The following TUT7 variants were observed in gnomAD, a reference collection of about 807,000 sequenced individuals.
The protein encoded by TUT7 is terminal uridylyl transferase 7, also known as terminal uridylyltransferase 7.
A neutral mutation model predicts 165.9 loss-of-function variants in TUT7; 33 were observed. The ratio of observed to expected loss-of-function variants is 0.20; its 90% confidence interval spans 0.15 to 0.27. TUT7 has a LOEUF of 0.27. Ranked by LOEUF, TUT7 falls within the 10% of genes least tolerant of loss-of-function variation. The pLI is 1.00. For missense variants in TUT7, 1,338 were observed against 1,762.3 expected (o/e 0.76, Z 4.31); for synonymous variants, 552 against 608.1 (o/e 0.91, Z 1.36).
intron 2 of TUT7, among the ~76,000 whole-genome samples, chr9:86,350,541 G>A (rs1461978422): frequency 1.3e-5 from 2 of 152,210 alleles, no homozygotes; most frequent in South Asian, 4.1e-4. Context: ...CAGGTCCAGC[G>A]AGGCTGAGTT....
rs895170782 is a variant in TUT7, at chr9:86,322,380, T to C, written c.2973A>G (p.Pro991=). 6 of 1,614,124 alleles carry C rather than the reference T, an allele frequency of 3.7e-6. No homozygotes were observed. The South Asian group carries it at 6.6e-5, about 18-fold the overall frequency. Residue 991 remains proline, a synonymous_variant, in exon 14 of 27, where the codon CCA becomes CCG. Transcript: ENST00000375963. ...DFKRIQLEPL[P]PLTPKFLNIL... is the part of the protein sequence containing the mutation. ...TATTTAAAAACTTGGGTGTTAATGG[T>C]GGCAGAGGTTCTAGCTGGATTCTTT...
chr9:86,350,826 AT>A (rs1408165174), intron 2 of TUT7, among the ~76,000 whole-genome samples: 1 of 152,126 alleles, frequency 6.6e-6, no homozygotes, highest in Non-Finnish European at 1.5e-5. Context: ...TATACTCTTA[AT>A]TTTCAAATTT....
chr9:86,334,043 T>C (rs1830553710), intron 10 of TUT7, among the ~76,000 whole-genome samples: 1 of 152,146 alleles, frequency 6.6e-6, no homozygotes, highest in Non-Finnish European at 1.5e-5. Flanking sequence ...CTCAGTCTTT[T>C]AGTGAGCTTG....
At chr9:86,316,889 T>C (rs1167719651) in intron 17 of TUT7, among the ~76,000 whole-genome samples, 1 of 151,356 alleles carries the variant, frequency 6.6e-6, no homozygotes, top group Middle Eastern at 3.4e-3. Flanking sequence ...AAGCAACTAA[T>C]AAAAAACTAA....
chr9:86,340,132 A>G (rs757781580), intron 7 of TUT7, 27 bp from the exon 8 acceptor site: 67 of 1,591,378 alleles, frequency 4.2e-5, no homozygotes, highest in Non-Finnish European at 5.6e-5. Context: ...AAAAATATTA[A>G]GTTGGTTAAT....
At chr9:86,333,240 A>G (rs1036921475) in intron 10 of TUT7, among the ~76,000 whole-genome samples, 4 of 152,154 alleles carry the variant, frequency 2.6e-5, no homozygotes, top group Admixed American at 6.5e-5. Context: ...TTGGCCCCCA[A>G]CTATATTCAA....
rs1828128458 is a variant in TUT7, at chr9:86,311,920, T to C, written c.3275-1111A>G. On this transcript the variant is annotated intron_variant, in intron 17 of 26. Coordinates refer to ENST00000375963, the MANE Select transcript of TUT7 (RefSeq NM_024617.4). This position sits in a 1 kb window ranked among gnomAD's most constrained non-coding sequence, Gnocchi z 4.4. ...TGCAGACGGAGTCTCGTTCACTCAGTGCTCAATGGTGCCCAGGCTGGAGTG... is the reference window on the plus strand; with the variant it reads ...TGCAGACGGAGTCTCGTTCACTCAGCGCTCAATGGTGCCCAGGCTGGAGTG... Among the ~76,000 whole-genome samples the C allele has an allele frequency of 6.6e-6, 1 of 152,214 alleles. No individual in the cohort carries two copies. The highest frequency in any genetic ancestry group is 2.1e-4 in the South Asian group (1 of 4,830).
At chr9:86,317,613 C>A (rs768406631) in intron 16 of TUT7, among the ~76,000 whole-genome samples, 1 of 152,106 alleles carries the variant, frequency 6.6e-6, no homozygotes, top group Non-Finnish European at 1.5e-5. Context: ...TCGGATGTAC[C>A]CCATGTCCCA....
At chr9:86,318,808 C>T in intron 16 of TUT7, 150 bp downstream of exon 16, 1 of 521,290 alleles carries the variant, frequency 1.9e-6, no homozygotes, top group Non-Finnish European at 3.4e-6. Flanking sequence ...CTTTCCAAGC[C>T]TCTTAATGTA....
chr9:86,336,062 T>C (rs1830746324), intron 10 of TUT7, among the ~76,000 whole-genome samples: 1 of 152,208 alleles, frequency 6.6e-6, no homozygotes, highest in Non-Finnish European at 1.5e-5. Context: ...CTCATGTTAA[T>C]GACAGATGAC....
rs529913879 is a variant in TUT7, at chr9:86,338,279, T to C, written c.1335+544A>G. ...CAGGGTGGAGTGCAGTGGCACGATC[T>C]TGGCTTACTGCAACCTGTACCTCCC... On this transcript the variant is annotated intron_variant, in intron 9 of 26. Coordinates refer to ENST00000375963, the MANE Select transcript of TUT7 (RefSeq NM_024617.4). Among the ~76,000 whole-genome samples the C allele has an allele frequency of 2.9e-4, 44 of 151,602 alleles. No individual in the cohort carries two copies. The South Asian group carries it at 9.2e-3, about 32-fold the overall frequency.
chr9:86,289,414 A>G (rs1825746414), intron 26 of TUT7, among the ~76,000 whole-genome samples: 1 of 152,218 alleles, frequency 6.6e-6, no homozygotes, highest in Non-Finnish European at 1.5e-5. Context: ...AGTATGAATT[A>G]TTCAATAACT....
chr9:86,353,837 C>T (rs1034561326), intron 1 of TUT7, among the ~76,000 whole-genome samples: 3 of 152,198 alleles, frequency 2.0e-5, no homozygotes, highest in African/African-American at 7.2e-5. Flanking sequence ...CAAGGGACAA[C>T]TCCATCTAAC....
At chr9:86,346,546 C>T in intron 2 of TUT7, 66 bp from the exon 3 acceptor site, 5 of 1,457,660 alleles carry the variant, frequency 3.4e-6, no homozygotes, top group East Asian at 2.3e-5. Flanking sequence ...AAAAGCAGAC[C>T]TTACATATGT....
chr9:86,312,665 T>C (rs4373606), intron 17 of TUT7, among the ~76,000 whole-genome samples: 47,530 of 151,962 alleles, frequency 0.31, 8,836 homozygotes, highest in African/African-American at 0.5. Flanking sequence ...TTTTGTGGAA[T>C]AGAAAGCGGG....
intron 26 of TUT7, among the ~76,000 whole-genome samples, chr9:86,294,502 T>G (rs1015563399): frequency 3.3e-5 from 5 of 152,034 alleles, no homozygotes; most frequent in Non-Finnish European, 5.9e-5. Flanking sequence ...GTAATATATC[T>G]TCTATTCCCA....
At chr9:86,322,123 A>C (rs967075973) in intron 14 of TUT7, among the ~76,000 whole-genome samples, 8 of 152,064 alleles carry the variant, frequency 5.3e-5, no homozygotes, top group Non-Finnish European at 1.0e-4. Flanking sequence ...TCCTCCCTGC[A>C]TCTCTCCTCA....
chr9:86,354,175 G>A (rs1832547007), intron 1 of TUT7, 96 bp downstream of exon 1: 1 of 152,572 alleles, frequency 6.6e-6, no homozygotes, highest in East Asian at 1.9e-4. Flanking sequence ...GTGAAAACAC[G>A]GACTCGAACC....
intron 20 of TUT7, 28 bp downstream of exon 20, chr9:86,309,435 T>G: frequency 6.4e-7 from 1 of 1,574,358 alleles, no homozygotes; most frequent in Admixed American, 1.9e-5. Context: ...GTTTTCCAGA[T>G]AAGAAATACA....
Sources: allele counts gnomAD v4.1 joint callset (sites outside exome capture counted in the v4.1 genomes callset), GRCh38; gene constraint gnomAD v4.1.1; non-coding constraint Gnocchi (gnomAD v3.1); transcripts MANE v1.5; gene names NCBI Gene and HGNC (gene_info 2026-07-23, HGNC 2026-07-21).